The following NOM1 variants were observed in gnomAD, a reference collection of about 807,000 sequenced individuals.
The protein encoded by NOM1 is nucleolar MIF4G domain-containing protein 1.
In NOM1, 58 loss-of-function variants were observed where a neutral mutation model predicts 73.3. That is an observed-to-expected ratio of 0.79 (90% CI 0.64 to 0.99). The LOEUF is 0.99. NOM1 is among the 50% of genes least tolerant of loss of function. The probability of loss-of-function intolerance (pLI) is 0.00; values close to 1 mark genes in which losing one functional copy is unlikely to be tolerated. For missense variants in NOM1, 1,226 were observed against 1,131.9 expected (o/e 1.08, Z -1.19); for synonymous variants, 487 against 446.8 (o/e 1.09, Z -1.14).
intron 3 of NOM1, among the ~76,000 whole-genome samples, chr7:156,957,783 A>G (rs1195128061): frequency 8.2e-6 from 1 of 122,098 alleles, no homozygotes; most frequent in Non-Finnish European, 1.8e-5. Flanking sequence ...TCAAAAAAAA[A>G]AAAAAAAAAA....
intron 3 of NOM1, among the ~76,000 whole-genome samples, chr7:156,954,507 T>C (rs1804671346): frequency 6.6e-6 from 1 of 150,812 alleles, no homozygotes; most frequent in South Asian, 2.1e-4. Flanking sequence ...ACTTTGCTTT[T>C]TTGTTCTGTC....
At chr7:156,961,111 T>C (rs1804853929) in intron 4 of NOM1, among the ~76,000 whole-genome samples, 1 of 151,718 alleles carries the variant, frequency 6.6e-6, no homozygotes, top group Non-Finnish European at 1.5e-5. Context: ...GCCATGGAAA[T>C]GGGTGGACTT....
chr7:156,969,268 C>A, intron 10 of NOM1, 72 bp downstream of exon 10: 2 of 947,420 alleles, frequency 2.1e-6, no homozygotes, highest in African/African-American at 1.6e-5. Context: ...TGTTGATTTA[C>A]AAACACAAGG....
chr7:156,966,048 T>C, intron 7 of NOM1: 1 of 574,520 alleles, frequency 1.7e-6, no homozygotes. Flanking sequence ...CTAGATGGTC[T>C]TGTCTCCTCT....
At chr7:156,964,053 C>G (rs1221153534) in intron 7 of NOM1, 27 bp downstream of exon 7, 2 of 1,601,894 alleles carry the variant, frequency 1.2e-6, no homozygotes, top group Non-Finnish European at 1.7e-6. Context: ...ACATTTTGAC[C>G]TATTAATGAG....
Position 156,959,347 on chromosome 7 carries a change from C to G in NOM1, c.1309-504C>G, listed in dbSNP as rs555770867. ...TCGATCTCCTGATCTTGTGATCCAC[C>G]CACCTCAGCCTCCCAAAAGTGCTGG... On this transcript the variant is annotated intron_variant, in intron 3 of 10. Coordinates refer to ENST00000275820, the MANE Select transcript of NOM1 (RefSeq NM_138400.2). Among the ~76,000 whole-genome samples the G allele has an allele frequency of 2.9e-3, 421 of 143,256 alleles. 1 individual carries two copies. The highest frequency in any genetic ancestry group is 9.6e-3 in the African/African-American group (391 of 40,886). 94.0% of individuals were successfully genotyped at this position (143,256 alleles called of 152,430 possible). A position where few individuals can be genotyped will look rare whatever the true frequency, so the allele number is the denominator to read the frequency against.
In NOM1 at chr7:156,970,815, G is replaced by GTGCTT. The variant is rs1344373344; in HGVS notation, c.*1114_*1118dup. 2 of 152,110 alleles carry GTGCTT rather than the reference G, an allele frequency of 1.3e-5. No individual in the cohort carries two copies. The highest frequency in any genetic ancestry group is 2.9e-5 in the Non-Finnish European group (2 of 68,046). 9.4% of individuals were successfully genotyped at this position (152,110 alleles called of 1,614,324 possible). ...CTTATGTACACTGTAATGCAGACAGGTGCTTTTCATCATTCATGTAACATT... is the reference window on the plus strand; with the variant it reads ...CTTATGTACACTGTAATGCAGACAGGTGCTTTGCTTTTCATCATTCATGTAACATT... On this transcript the variant is annotated 3_prime_UTR_variant, in exon 11 of 11. Coordinates refer to ENST00000275820, the MANE Select transcript of NOM1 (RefSeq NM_138400.2).
At chr7:156,963,217 C>T in intron 6 of NOM1, 42 bp downstream of exon 6, 1 of 1,609,478 alleles carries the variant, frequency 6.2e-7, no homozygotes, top group Non-Finnish European at 8.5e-7. Context: ...AGAGGCACCC[C>T]CCTGTGTGGT....
chr7:156,953,368 T>G (rs1163129015), intron 2 of NOM1, among the ~76,000 whole-genome samples: 3 of 152,248 alleles, frequency 2.0e-5, no homozygotes, highest in African/African-American at 7.2e-5. Context: ...CCTCAGGTGA[T>G]CCGCCCGCCT....
chr7:156,968,327 C>T (rs1010533882), intron 9 of NOM1, among the ~76,000 whole-genome samples: 1 of 152,250 alleles, frequency 6.6e-6, no homozygotes, highest in East Asian at 1.9e-4. Flanking sequence ...TAGAGATGCC[C>T]CCCGCCCTGC....
At position 156,954,315 on chromosome 7, in the gene NOM1, T is replaced by C; in HGVS notation, c.1308+17T>C. ...GGAATCGAGGTACAGTTGTACCTTT[T>C]CTCCAGGCTGTCACTAGTGTCTCAT... On this transcript the variant is annotated intron_variant, in intron 3 of 10. Coordinates refer to ENST00000275820, the MANE Select transcript of NOM1 (RefSeq NM_138400.2). The C allele has an allele frequency of 1.3e-6, 2 of 1,558,896 alleles. No individual in the cohort carries two copies. Among genetic ancestry groups the C allele is most frequent in the African/African-American group, 1.4e-5 (1 of 72,748 alleles).
intron 3 of NOM1, among the ~76,000 whole-genome samples, chr7:156,955,482 T>TAC (rs35042241): frequency 0.79 from 119,824 of 152,004 alleles, 47,322 homozygotes; most frequent in Admixed American, 0.86. Flanking sequence ...CTTTAAATGA[T>TAC]AGTCTCTTTT....
chr7:156,964,641 A>G (rs773705214), intron 7 of NOM1, among the ~76,000 whole-genome samples: 1 of 152,188 alleles, frequency 6.6e-6, no homozygotes, highest in Non-Finnish European at 1.5e-5. Flanking sequence ...CTTCTAAACA[A>G]TGTAATGTTA....
At chr7:156,952,092 G>T (rs1468422345) in intron 1 of NOM1, among the ~76,000 whole-genome samples, 1 of 152,152 alleles carries the variant, frequency 6.6e-6, no homozygotes, top group Non-Finnish European at 1.5e-5. Flanking sequence ...CAAAATTAGC[G>T]GTTTGTTTAA....
intron 6 of NOM1, 152 bp downstream of exon 6, chr7:156,963,327 A>G: frequency 2.8e-6 from 2 of 722,846 alleles, no homozygotes; most frequent in Non-Finnish European, 4.8e-6. Context: ...ATTGCTATTA[A>G]TATTACATTG....
intron 4 of NOM1, 164 bp downstream of exon 4, chr7:156,960,338 T>C: frequency 1.7e-6 from 1 of 598,706 alleles, no homozygotes; most frequent in South Asian, 2.3e-5. Context: ...ATGGACCTTA[T>C]TCCTTTACCA....
intron 7 of NOM1, 120 bp from the exon 8 acceptor site, chr7:156,966,150 C>G: frequency 7.7e-7 from 1 of 1,291,442 alleles, no homozygotes; most frequent in East Asian, 2.3e-5. Flanking sequence ...CCTCCACCTC[C>G]TTTACGTGGC....
rs1444557970 is a variant in NOM1 at position 156,959,903 on chromosome 7, A to T, written c.1361A>T (p.Lys454Ile). ...GTGAGGAAGTTCGATGCCATCTATA[A>T]ATACGGAAGCGAAGGGAAAGAGTGT... ...AVVRKFDAIYKYGSEGKECDN... is the reference protein window; with the variant it reads ...AVVRKFDAIYIYGSEGKECDN... The change falls in exon 4 of 11, where the codon AAA becomes ATA. Residue 454 changes from lysine (K) to isoleucine (I), a missense_variant. Coordinates refer to ENST00000275820, the MANE Select transcript of NOM1 (RefSeq NM_138400.2). The T allele has an allele frequency of 6.2e-7, 1 of 1,614,206 alleles. No homozygotes were observed. The highest frequency in any genetic ancestry group is 1.1e-5 in the South Asian group (1 of 91,086).
At position 156,966,986 on chromosome 7, in the gene NOM1, A is replaced by G. The variant is rs1563686443; in HGVS notation, c.2192A>G (p.Asp731Gly). ...FQMTFQFSIWDKFRDLENLPA... is the reference protein window; with the variant it reads ...FQMTFQFSIWGKFRDLENLPA... ...ATGACTTTCCAGTTCAGCATATGGGACAAATTTCGGGACTTGGAAAACTTG... is the reference window on the plus strand; with the variant it reads ...ATGACTTTCCAGTTCAGCATATGGGGCAAATTTCGGGACTTGGAAAACTTG... Residue 731 changes from aspartate (D) to glycine (G), a missense_variant, in exon 9 of 11, where the codon GAC becomes GGC. Physicochemically the swap from Asp to Gly is moderately conservative, Grantham distance 94. Transcript: ENST00000275820. 2 of 1,613,450 alleles carry G rather than the reference A, an allele frequency of 1.2e-6. No individual in the cohort carries two copies. Among genetic ancestry groups the G allele is most frequent in the Non-Finnish European group, 1.7e-6 (2 of 1,179,926 alleles).
Sources: allele counts gnomAD v4.1 joint callset (sites outside exome capture counted in the v4.1 genomes callset), GRCh38; gene constraint gnomAD v4.1.1; transcripts MANE v1.5; gene names NCBI Gene and HGNC (gene_info 2026-07-23, HGNC 2026-07-21).